The following TRABD2B variants were observed in gnomAD, a reference collection of about 807,000 sequenced individuals.
The protein encoded by TRABD2B is TraB domain containing 2B.
Under a neutral mutation model 40.1 loss-of-function variants are expected in TRABD2B, and 14 were observed. The observed-to-expected ratio is 0.35, with a 90% CI of 0.23 to 0.55. TRABD2B has a LOEUF of 0.55. Among genes scored for constraint, TRABD2B ranks in the 20% least tolerant of loss-of-function variants. The pLI is 0.90. For synonymous variants in TRABD2B, 263 were observed against 277.0 expected, an observed-to-expected ratio of 0.95 and a Z score of 0.50; for missense variants, 541 against 648.6, an observed-to-expected ratio of 0.83 and a Z score of 1.80.
rs77341643 is a variant in TRABD2B at position 47,932,519 on chromosome 1, G to T, written c.666+61515C>A. Among the ~76,000 whole-genome samples, 68 of 152,304 alleles carry T rather than the reference G, an allele frequency of 4.5e-4. 1 individual carries two copies. The East Asian group carries it at 0.012, about 26-fold the overall frequency. ...GGAGTCAAGGGAGTTGTTTCTAGAT[G>T]GGAGATCCTATAGCATGTGTGTCTC... is the stretch of plus-strand genomic sequence containing the variant. On this transcript the variant is annotated intron_variant, in intron 2 of 6. Coordinates refer to ENST00000606738, the MANE Select transcript of TRABD2B (RefSeq NM_001194986.2).
chr1:47,985,998 T>A (rs1315351547), intron 2 of TRABD2B, among the ~76,000 whole-genome samples: 1 of 151,988 alleles, frequency 6.6e-6, no homozygotes, highest in Non-Finnish European at 1.5e-5. Flanking sequence ...GGGAGGGAGA[T>A]ATCATACAGC....
At chr1:47,792,795 T>C (rs535510292) in intron 4 of TRABD2B, among the ~76,000 whole-genome samples, 3 of 152,078 alleles carry the variant, frequency 2.0e-5, no homozygotes, top group African/African-American at 7.2e-5. Flanking sequence ...AGGTGGGGTG[T>C]GTAGAATGAA....
intron 2 of TRABD2B, among the ~76,000 whole-genome samples, chr1:47,839,945 C>T (rs888870064): frequency 6.6e-6 from 1 of 152,180 alleles, no homozygotes; most frequent in African/African-American, 2.4e-5. Context: ...AAGCTTGTTG[C>T]TGCCACTGTC....
At chr1:47,892,036 T>C (rs1644453588) in intron 2 of TRABD2B, among the ~76,000 whole-genome samples, 1 of 152,056 alleles carries the variant, frequency 6.6e-6, no homozygotes, top group Admixed American at 6.5e-5. Flanking sequence ...AGAATTAATG[T>C]TTTGAAGGAT....
chr1:47,766,067 G>A lies in TRABD2B; in HGVS notation c.1389C>T (p.Thr463=). The A allele has an allele frequency of 1.4e-6, 1 of 699,708 alleles. No homozygotes were observed. Among genetic ancestry groups the A allele is most frequent in the African/African-American group, 1.7e-5 (1 of 57,342 alleles). The allele number at this position is 699,708 out of a possible 1,614,324, so 43.3% of individuals were successfully genotyped here. Residue 463 remains threonine (T), a synonymous_variant, in exon 7 of 7, where the codon ACC becomes ACT. Coordinates refer to ENST00000606738, the MANE Select transcript of TRABD2B (RefSeq NM_001194986.2). ...GGGGCTTGGCGGTCCCCGAGCTGTG[G>A]GTGGGCTGCAGGGGCAGCGGGGGTG... ...ASPPPLPLQP[T]HSSGTAKPPF... is the part of the protein sequence containing the mutation.
chr1:47,858,129 G>C (rs1643914222), intron 2 of TRABD2B, among the ~76,000 whole-genome samples: 1 of 152,028 alleles, frequency 6.6e-6, no homozygotes, highest in African/African-American at 2.4e-5. Flanking sequence ...AGCATATACA[G>C]GGTTTGCTAC....
chr1:47,873,556 A>G (rs766800049), intron 2 of TRABD2B, among the ~76,000 whole-genome samples: 66 of 152,200 alleles, frequency 4.3e-4, no homozygotes, highest in Non-Finnish European at 5.0e-4. Context: ...CAGGACCAGG[A>G]CAACGAGGGA....
At chr1:47,864,204 G>C (rs1040704234) in intron 2 of TRABD2B, among the ~76,000 whole-genome samples, 1 of 152,012 alleles carries the variant, frequency 6.6e-6, no homozygotes, top group Non-Finnish European at 1.5e-5. Context: ...CAAACCCACA[G>C]AATGTACACC....
At chr1:47,861,378 G>A (rs567944218) in intron 2 of TRABD2B, among the ~76,000 whole-genome samples, 29 of 152,058 alleles carry the variant, frequency 1.9e-4, no homozygotes, top group East Asian at 9.7e-4. Context: ...CCCCCACCCT[G>A]CAACAATGAT....
At chr1:47,865,562 T>A (rs919425599) in intron 2 of TRABD2B, among the ~76,000 whole-genome samples, 1 of 152,152 alleles carries the variant, frequency 6.6e-6, no homozygotes, top group African/African-American at 2.4e-5. Flanking sequence ...CATGGGCACT[T>A]GTCCCAGGGT....
intron 2 of TRABD2B, among the ~76,000 whole-genome samples, chr1:47,975,647 C>T (rs1645744882): frequency 6.6e-6 from 1 of 152,206 alleles, no homozygotes; most frequent in Admixed American, 6.5e-5. Context: ...GCCACAAGCA[C>T]TGCTGAGGGC....
intron 2 of TRABD2B, among the ~76,000 whole-genome samples, chr1:47,958,391 T>C (rs1278429973): frequency 7.0e-6 from 1 of 143,690 alleles, no homozygotes; most frequent in African/African-American, 2.6e-5. Context: ...GGCTAAATGC[T>C]CCAATTAAAA....
chr1:47,778,600 G>T, intron 4 of TRABD2B, 56 bp from the exon 5 acceptor site: 1 of 1,328,956 alleles, frequency 7.5e-7, no homozygotes, highest in Non-Finnish European at 1.0e-6. Flanking sequence ...CGGCCACAGG[G>T]GACTGCCCCA....
intron 2 of TRABD2B, among the ~76,000 whole-genome samples, chr1:47,983,619 GGTCT>G (rs1332947107): frequency 6.6e-6 from 1 of 152,006 alleles, no homozygotes; most frequent in Non-Finnish European, 1.5e-5. Flanking sequence ...CCCAATACAG[GGTCT>G]GGTTCTCAAA....
chr1:47,841,399 C>G (rs1381978501), intron 2 of TRABD2B, among the ~76,000 whole-genome samples: 2 of 152,248 alleles, frequency 1.3e-5, no homozygotes, highest in African/African-American at 4.8e-5. Context: ...TCACCTGTTC[C>G]TATATCTGCA....
At chr1:47,869,214 T>C (rs1192699731) in intron 2 of TRABD2B, among the ~76,000 whole-genome samples, 2 of 152,192 alleles carry the variant, frequency 1.3e-5, no homozygotes, top group African/African-American at 4.8e-5. Flanking sequence ...TATACATATA[T>C]ACAAAACCAT....
chr1:47,797,516 T>C (rs1448943584), intron 3 of TRABD2B, among the ~76,000 whole-genome samples: 1 of 152,086 alleles, frequency 6.6e-6, no homozygotes, highest in African/African-American at 2.4e-5. Context: ...ACCACAAATG[T>C]GCATGTACAC....
rs1257040608 is a variant in TRABD2B at position 47,765,871 on chromosome 1, T to C, written c.*31A>G. On this transcript the variant is annotated 3_prime_UTR_variant, in exon 7 of 7. Coordinates refer to ENST00000606738, the MANE Select transcript of TRABD2B (RefSeq NM_001194986.2). ...TGTGGCCGAAGACCCCTGTGTCATT[T>C]CTCTGGCTTCTCCACTTGGGGTGGC... 2.8e-6 allele frequency: 2 copies of C among 702,874 alleles called. No individual in the cohort carries two copies. Among genetic ancestry groups the C allele is most frequent in the East Asian group, 2.7e-5 (1 of 37,270 alleles). 43.5% of individuals were successfully genotyped at this position (702,874 alleles called of 1,614,324 possible).
intron 6 of TRABD2B, among the ~76,000 whole-genome samples, chr1:47,766,616 T>C (rs901429899): frequency 2.6e-5 from 4 of 152,150 alleles, no homozygotes; most frequent in Non-Finnish European, 5.9e-5. Flanking sequence ...CAAGCAATAT[T>C]TCTGATCCTC....
Sources: gnomAD v4.1 joint callset for allele counts (sites outside exome capture counted in the v4.1 genomes callset) on GRCh38, gnomAD v4.1.1 for gene constraint, MANE v1.5 for transcripts, NCBI Gene and HGNC (gene_info 2026-07-23, HGNC 2026-07-21) for gene names.